Variants in ADCY3 observed in about 807,000 individuals in gnomAD.
ADCY3 encodes adenylate cyclase type 3.
Under a neutral mutation model 119.4 loss-of-function variants are expected in ADCY3, and 70 were observed. The observed-to-expected ratio is 0.59, with a 90% CI of 0.48 to 0.72. The LOEUF is 0.72. ADCY3 is among the 30% of genes least tolerant of loss of function. The probability of loss-of-function intolerance (pLI) is 0.00; values close to 1 mark genes in which losing one functional copy is unlikely to be tolerated. For synonymous variants in ADCY3, 672 were observed against 621.4 expected, an observed-to-expected ratio of 1.08 and a Z score of -1.21; for missense variants, 1,238 against 1,541.6, an observed-to-expected ratio of 0.80 and a Z score of 3.30.
chr2:24,869,045 G>C (rs973345465), intron 3 of ADCY3, among the ~76,000 whole-genome samples: 3 of 152,000 alleles, frequency 2.0e-5, no homozygotes, highest in Non-Finnish European at 2.9e-5. Context: ...ATAAATCAGA[G>C]ATAAGAAATG....
intron 2 of ADCY3, among the ~76,000 whole-genome samples, chr2:24,874,207 A>C (rs558914399): frequency 2.0e-5 from 3 of 152,252 alleles, no homozygotes; most frequent in African/African-American, 4.8e-5. Flanking sequence ...TTGCGTGACG[A>C]ATCAGGAGGT....
Position 24,834,417 on chromosome 2 carries a change from GCCCCCGC to G in ADCY3, c.1967+61_1967+67del. ...ATGTCAGGCTCCCGCTGAGACACCT[GCCCCCGC>G]CCCCCGCCCGGCACCACCGCAGCCG... On this transcript the variant is annotated intron_variant, in intron 11 of 21. Transcript: ENST00000679454. This position sits in a 1 kb window ranked among gnomAD's most constrained non-coding sequence, Gnocchi z 4.2. The G allele has an allele frequency of 2.9e-6, 4 of 1,395,346 alleles. No homozygotes were observed. Among genetic ancestry groups the G allele is most frequent in the Non-Finnish European group, 3.9e-6 (4 of 1,029,068 alleles). The allele number at this position is 1,395,346 out of a possible 1,614,324, so 86.4% of individuals were successfully genotyped here. A position where few individuals can be genotyped will look rare whatever the true frequency, so the allele number is the denominator to read the frequency against.
intron 2 of ADCY3, among the ~76,000 whole-genome samples, chr2:24,914,473 G>A (rs1469552570): frequency 6.6e-6 from 1 of 152,122 alleles, no homozygotes; most frequent in Admixed American, 6.5e-5. Context: ...AGGAGTTCGA[G>A]GCCAGCCTGG....
chr2:24,861,054 C>T (rs1208282890), intron 3 of ADCY3, among the ~76,000 whole-genome samples: 2 of 152,162 alleles, frequency 1.3e-5, no homozygotes, highest in African/African-American at 4.8e-5. Context: ...AGTTTGAGAC[C>T]AGCTTGGCCA....
rs1307713795 is a variant in ADCY3 at position 24,827,613 on chromosome 2, T to C, written c.2433-5A>G. 6.3e-7 allele frequency: 1 copy of C among 1,582,006 alleles called. No individual in the cohort carries two copies. Among genetic ancestry groups the C allele is most frequent in the Admixed American group, 1.8e-5 (1 of 57,008 alleles). On this transcript the variant is annotated splice_region_variant and splice_polypyrimidine_tract_variant and intron_variant, in intron 14 of 21. Transcript: ENST00000679454. ...TCTAAGGCCACCATAGGTAAGCTGTTGGACAGATAACAGCACAGTCAGGCC... is the reference window on the plus strand; with the variant it reads ...TCTAAGGCCACCATAGGTAAGCTGTCGGACAGATAACAGCACAGTCAGGCC...
chr2:24,881,943 C>T (rs1002221924), intron 2 of ADCY3, among the ~76,000 whole-genome samples: 1 of 152,348 alleles, frequency 6.6e-6, no homozygotes, highest in Admixed American at 6.5e-5. Context: ...AACCATCCAG[C>T]CCCAAATGTC....
intron 3 of ADCY3, among the ~76,000 whole-genome samples, chr2:24,844,556 A>T (rs935123795): frequency 2.3e-4 from 35 of 152,142 alleles, no homozygotes; most frequent in African/African-American, 7.7e-4. Context: ...GGGCAGGAGG[A>T]GGTGAAGGCT....
chr2:24,848,965 C>CA (rs373836716), intron 3 of ADCY3, among the ~76,000 whole-genome samples: 1 of 152,146 alleles, frequency 6.6e-6, no homozygotes, highest in African/African-American at 2.4e-5. Flanking sequence ...CAGCCCCCCC[C>CA]GCCACGTGTG....
chr2:24,909,695 T>G (rs543507966), intron 2 of ADCY3, among the ~76,000 whole-genome samples: 1 of 152,340 alleles, frequency 6.6e-6, no homozygotes, highest in East Asian at 1.9e-4. Flanking sequence ...TGAAGCATTC[T>G]GTGGTCACAG....
intron 2 of ADCY3, among the ~76,000 whole-genome samples, chr2:24,906,729 T>C (rs1363267856): frequency 1.3e-5 from 2 of 152,204 alleles, no homozygotes; most frequent in Non-Finnish European, 2.9e-5. Flanking sequence ...ATGACACACA[T>C]GGTATTACCA....
rs777604178 is a variant in ADCY3 at position 24,834,468 on chromosome 2, C to G, written c.1967+17G>C. Reference sequence around the variant, plus strand: ...GCAGCCGAGGAAACTCGTGGCCCTCCCCGGCCCCTCCCTCACCAGGGGTCG... The same window carrying G: ...GCAGCCGAGGAAACTCGTGGCCCTCGCCGGCCCCTCCCTCACCAGGGGTCG... On this transcript the variant is annotated intron_variant, in intron 11 of 21. Coordinates refer to ENST00000679454, the MANE Select transcript of ADCY3 (RefSeq NM_004036.5). This position sits in a 1 kb window ranked among gnomAD's most constrained non-coding sequence, Gnocchi z 4.2. The G allele has an allele frequency of 6.3e-7, 1 of 1,590,998 alleles. No individual in the cohort carries two copies. The highest frequency in any genetic ancestry group is 1.3e-5 in the African/African-American group (1 of 74,482).
chr2:24,893,327 C>T (rs144097208), intron 2 of ADCY3, among the ~76,000 whole-genome samples: 4,293 of 152,198 alleles, frequency 0.028, 82 homozygotes, highest in South Asian at 0.052. Context: ...GCCGAGATCA[C>T]GCTGCTGCAC....
Position 24,914,315 on chromosome 2 carries a change from C to T in ADCY3, c.675+3998G>A, listed in dbSNP as rs551573112. ...GGCTGGGAGTCAACGCCTGGGCTCC[C>T]GTCCTGTTTCTGCCACCAAAGTGAT... On this transcript the variant is annotated intron_variant, in intron 2 of 21. Transcript: ENST00000679454. Among the ~76,000 whole-genome samples, 7 of 152,286 alleles carry T rather than the reference C, an allele frequency of 4.6e-5. No individual in the cohort carries two copies. The East Asian group carries it at 1.2e-3, about 25-fold the overall frequency.
chr2:24,825,923 G>A, intron 16 of ADCY3, 122 bp downstream of exon 16: 3 of 909,762 alleles, frequency 3.3e-6, no homozygotes, highest in South Asian at 2.9e-5. Context: ...AGGCTCACGT[G>A]TGGGGCTGGG....
chr2:24,841,226 TG>T lies in ADCY3; in HGVS notation c.1196+32del. The T allele has an allele frequency of 6.5e-7, 1 of 1,535,100 alleles. No homozygotes were observed. Among genetic ancestry groups the T allele is most frequent in the South Asian group, 1.2e-5 (1 of 83,674 alleles). ...GGGTCCAGGGCCGGGGCCCTTGCTC[TG>T]GGAGCCTCCCTCCCAGAGGCATCCC... On this transcript the variant is annotated intron_variant, in intron 6 of 21. Transcript: ENST00000679454. The surrounding 1 kb of genome is among the most constrained non-coding windows in gnomAD (Gnocchi z 5.8).
intron 3 of ADCY3, among the ~76,000 whole-genome samples, chr2:24,856,251 T>G (rs1672986390): frequency 6.6e-6 from 1 of 152,220 alleles, no homozygotes; most frequent in Non-Finnish European, 1.5e-5. Flanking sequence ...ACGTGTCTAC[T>G]GTCTACAGTG....
intron 17 of ADCY3, among the ~76,000 whole-genome samples, chr2:24,823,675 A>G (rs1668148434): frequency 6.8e-6 from 1 of 146,732 alleles, no homozygotes. Context: ...ATAATTTAAA[A>G]ATAGCTCATC....
chr2:24,902,906 T>C (rs940297776), intron 2 of ADCY3, among the ~76,000 whole-genome samples: 1 of 152,012 alleles, frequency 6.6e-6, no homozygotes, highest in African/African-American at 2.4e-5. Context: ...TGGCACATAT[T>C]TGTGGTCCCA....
At chr2:24,877,351 C>T (rs566459969) in intron 2 of ADCY3, among the ~76,000 whole-genome samples, 3 of 152,172 alleles carry the variant, frequency 2.0e-5, no homozygotes, top group Non-Finnish European at 2.9e-5. Flanking sequence ...GTAAACATGA[C>T]CTTCTGGCCC....
Sources: gnomAD v4.1 joint callset for allele counts (sites outside exome capture counted in the v4.1 genomes callset) on GRCh38, gnomAD v4.1.1 for gene constraint, Gnocchi (gnomAD v3.1) non-coding constraint, MANE v1.5 for transcripts, NCBI Gene and HGNC (gene_info 2026-07-23, HGNC 2026-07-21) for gene names.